PIK3CB: variants seen among roughly 807,000 people sequenced by gnomAD.
PIK3CB encodes phosphatidylinositol-4,5-bisphosphate 3-kinase catalytic subunit beta.
PIK3CB carries 39 observed loss-of-function variants against 136.8 expected under a neutral mutation model. The ratio of observed to expected loss-of-function variants is 0.29; its 90% CI spans 0.22 to 0.37. PIK3CB has a LOEUF of 0.37. Ranked by LOEUF, PIK3CB falls within the 10% of genes least tolerant of loss-of-function variation. The probability of loss-of-function intolerance (pLI) is 1.00; values close to 1 mark genes in which losing one functional copy is unlikely to be tolerated. For synonymous variants in PIK3CB, 428 were observed against 436.6 expected (o/e 0.98, Z 0.25); for missense variants, 868 against 1,275.4 (o/e 0.68, Z 4.87).
Position 138,654,681 on chromosome 3 carries a change from T to C in PIK3CB, c.*708A>G, listed in dbSNP as rs2043163079. ...GCTCTGCTTTTTGTAAAACTTTAAA[T>C]CACAGGCTGAAGAATACCAAAGAAA... is the stretch of plus-strand genomic sequence containing the variant. On this transcript the variant is annotated 3_prime_UTR_variant, in exon 24 of 24. Coordinates refer to ENST00000674063, the MANE Select transcript of PIK3CB (RefSeq NM_006219.3). 1 of 222,506 alleles carries C rather than the reference T, an allele frequency of 4.5e-6. No individual in the cohort carries two copies. The highest frequency in any genetic ancestry group is 9.0e-6 in the Non-Finnish European group (1 of 111,450). The allele number at this position is 222,506 out of a possible 1,614,324, so 13.8% of individuals were successfully genotyped here. A position where few individuals can be genotyped will look rare whatever the true frequency, so the allele number is the denominator to read the frequency against.
intron 4 of PIK3CB, 140 bp downstream of exon 4, chr3:138,755,614 T>C: frequency 1.9e-6 from 1 of 514,998 alleles, no homozygotes; most frequent in Admixed American, 3.5e-5. Flanking sequence ...ACTTACCTTA[T>C]CTCAAACTGG....
At chr3:138,820,867 C>T (rs1169556707) in intron 1 of PIK3CB, among the ~76,000 whole-genome samples, 5 of 152,082 alleles carry the variant, frequency 3.3e-5, no homozygotes, top group African/African-American at 1.2e-4. Flanking sequence ...AAAGTAATTC[C>T]CCTAGTGAAA....
chr3:138,739,174 G>A (rs1381353839), intron 5 of PIK3CB, among the ~76,000 whole-genome samples: 1 of 152,008 alleles, frequency 6.6e-6, no homozygotes, highest in East Asian at 1.9e-4. Flanking sequence ...GGCCGTGCAC[G>A]CTGGCTTACA....
At chr3:138,755,707 A>C in intron 4 of PIK3CB, 47 bp downstream of exon 4, 1 of 856,778 alleles carries the variant, frequency 1.2e-6, no homozygotes, top group Non-Finnish European at 1.9e-6. Flanking sequence ...TGTTTATATA[A>C]ATAGATATAT....
chr3:138,770,938 C>G (rs776864132), intron 2 of PIK3CB, among the ~76,000 whole-genome samples: 3 of 151,906 alleles, frequency 2.0e-5, no homozygotes, highest in Admixed American at 6.6e-5. Context: ...TCTTGAACTC[C>G]TGACATCGTG....
intron 2 of PIK3CB, among the ~76,000 whole-genome samples, chr3:138,786,916 A>C (rs1277984243): frequency 2.0e-5 from 3 of 152,222 alleles, no homozygotes; most frequent in Admixed American, 6.6e-5. Context: ...GACAGCCAGA[A>C]TTTCTTTCAC....
intron 2 of PIK3CB, among the ~76,000 whole-genome samples, chr3:138,785,205 G>C (rs1445479125): frequency 2.0e-5 from 3 of 150,702 alleles, no homozygotes; most frequent in Admixed American, 1.3e-4. Context: ...GGCAGCCCCC[G>C]CCCGGCCAGC....
Position 138,746,388 on chromosome 3 carries a change from C to T in PIK3CB, c.398-3607G>A, listed in dbSNP as rs189242933. Reference sequence around the variant, plus strand: ...CTAAAATTGTCAAATCGGCCGGGCACGGTGGCTCACGCCTGTAATCCCAGC... The same window carrying T: ...CTAAAATTGTCAAATCGGCCGGGCATGGTGGCTCACGCCTGTAATCCCAGC... On this transcript the variant is annotated intron_variant, in intron 4 of 23. Coordinates refer to ENST00000674063, the MANE Select transcript of PIK3CB (RefSeq NM_006219.3). 2.6e-3 allele frequency among the ~76,000 whole-genome samples: 390 copies of T among 151,866 alleles called. 5 individuals are homozygous for T. The highest frequency in any genetic ancestry group is 0.025 in the Admixed American group (385 of 15,272).
chr3:138,668,624 G>T (rs2043463615), intron 19 of PIK3CB, among the ~76,000 whole-genome samples: 1 of 152,162 alleles, frequency 6.6e-6, no homozygotes, highest in South Asian at 2.1e-4. Flanking sequence ...ACAACACGGG[G>T]ATGGCAGCTC....
In PIK3CB at chr3:138,655,242, G is replaced by A; in HGVS notation, c.*147C>T. 1 of 722,884 alleles carries A rather than the reference G, an allele frequency of 1.4e-6. No homozygotes were observed. Among genetic ancestry groups the A allele is most frequent in the Non-Finnish European group, 2.3e-6 (1 of 435,314 alleles). The allele number at this position is 722,884 out of a possible 1,614,324, so 44.8% of individuals were successfully genotyped here. A position where few individuals can be genotyped will look rare whatever the true frequency, so the allele number is the denominator to read the frequency against. ...TCGGGGATTGTTCAGATTAGGTTCT[G>A]TGGGATGCCTTGTTCTTAATTTAAC... On this transcript the variant is annotated 3_prime_UTR_variant, in exon 24 of 24. Coordinates refer to ENST00000674063, the MANE Select transcript of PIK3CB (RefSeq NM_006219.3).
chr3:138,688,274 G>A (rs951443902), intron 16 of PIK3CB, among the ~76,000 whole-genome samples: 7 of 151,986 alleles, frequency 4.6e-5, no homozygotes, highest in Admixed American at 2.0e-4. Context: ...GGCCGAGGCG[G>A]GCGGATCACG....
intron 10 of PIK3CB, among the ~76,000 whole-genome samples, chr3:138,708,593 C>CTT (rs11308775): frequency 7.1e-6 from 1 of 141,672 alleles, no homozygotes; most frequent in Non-Finnish European, 1.5e-5. Flanking sequence ...GGAGGCAACT[C>CTT]TTTTTTTTTT....
At chr3:138,707,575 G>T in intron 10 of PIK3CB, 1 of 1,156,860 alleles carries the variant, frequency 8.6e-7, no homozygotes, top group Non-Finnish European at 1.1e-6. Context: ...ACTTTAATTG[G>T]AACTGCTCTC....
chr3:138,794,607 C>T (rs763414390), intron 2 of PIK3CB, among the ~76,000 whole-genome samples: 16 of 152,242 alleles, frequency 1.1e-4, no homozygotes, highest in African/African-American at 2.9e-4. Context: ...CCATTATATA[C>T]TGAATACATA....
intron 4 of PIK3CB, among the ~76,000 whole-genome samples, chr3:138,755,194 T>C (rs1179009652): frequency 7.2e-5 from 11 of 152,242 alleles, no homozygotes; most frequent in African/African-American, 2.7e-4. Context: ...TTGGTTGGCA[T>C]AGAGAGTTGT....
intron 2 of PIK3CB, among the ~76,000 whole-genome samples, chr3:138,759,575 A>G (rs1000584386): frequency 1.3e-5 from 2 of 152,188 alleles, no homozygotes; most frequent in African/African-American, 4.8e-5. Flanking sequence ...CAAATTATAT[A>G]TATGTACATT....
At chr3:138,824,732 C>T (rs1400289078) in intron 1 of PIK3CB, among the ~76,000 whole-genome samples, 3 of 151,164 alleles carry the variant, frequency 2.0e-5, no homozygotes, top group African/African-American at 4.9e-5. Flanking sequence ...TATACATTCT[C>T]GGGGAGAAGG....
chr3:138,785,986 C>T (rs2045978286), intron 2 of PIK3CB, among the ~76,000 whole-genome samples: 1 of 152,008 alleles, frequency 6.6e-6, no homozygotes, highest in Non-Finnish European at 1.5e-5. Context: ...TAAAATACAG[C>T]TACACACATC....
chr3:138,741,567 G>A (rs2045245010), intron 5 of PIK3CB, among the ~76,000 whole-genome samples: 1 of 152,170 alleles, frequency 6.6e-6, no homozygotes, highest in African/African-American at 2.4e-5. Flanking sequence ...AGTGGCTCAT[G>A]CTTGTAATCC....
Sources: gnomAD v4.1 joint callset for allele counts (sites outside exome capture counted in the v4.1 genomes callset) on GRCh38, gnomAD v4.1.1 for gene constraint, MANE v1.5 for transcripts, NCBI Gene and HGNC (gene_info 2026-07-23, HGNC 2026-07-21) for gene names.